COL25A1: variants seen among roughly 807,000 people sequenced by gnomAD.
COL25A1 encodes collagen type XXV alpha 1 chain.
A neutral mutation model predicts 128.4 loss-of-function variants in COL25A1; 103 were observed. The observed-to-expected ratio is 0.80, with a 90% CI of 0.68 to 0.94. The LOEUF is 0.94. COL25A1 is among the 40% of genes least tolerant of loss of function. The probability of loss-of-function intolerance (pLI) is 0.00; values close to 1 mark genes in which losing one functional copy is unlikely to be tolerated. For missense variants in COL25A1, 745 were observed against 840.0 expected, an observed-to-expected ratio of 0.89 and a Z score of 1.40; for synonymous variants, 279 against 277.2, an observed-to-expected ratio of 1.01 and a Z score of -0.06.
At chr4:109,206,289 C>T (rs75849374) in intron 3 of COL25A1, among the ~76,000 whole-genome samples, 3,499 of 152,152 alleles carry the variant, frequency 0.023, 115 homozygotes, top group African/African-American at 0.072. Flanking sequence ...AAAACATAAA[C>T]ATTCTGTGGC....
chr4:109,119,140 T>C (rs1767883034), intron 3 of COL25A1, among the ~76,000 whole-genome samples: 1 of 152,024 alleles, frequency 6.6e-6, no homozygotes, highest in Non-Finnish European at 1.5e-5. Context: ...TCAAGAGAAC[T>C]GTTTAAATAT....
At chr4:109,175,775 T>A (rs1307161202) in intron 3 of COL25A1, among the ~76,000 whole-genome samples, 1 of 152,216 alleles carries the variant, frequency 6.6e-6, no homozygotes, top group Non-Finnish European at 1.5e-5. Context: ...ACAGGTCAAG[T>A]CCTGTCTAAT....
At chr4:109,067,268 A>T (rs1762525354) in intron 3 of COL25A1, among the ~76,000 whole-genome samples, 1 of 152,038 alleles carries the variant, frequency 6.6e-6, no homozygotes, top group African/African-American at 2.4e-5. Context: ...TTAAGAAAAA[A>T]CCCTTTCATC....
At chr4:109,045,443 A>G (rs1414866181) in intron 5 of COL25A1, among the ~76,000 whole-genome samples, 3 of 152,178 alleles carry the variant, frequency 2.0e-5, no homozygotes. Context: ...CTGATGATAA[A>G]CTTATTTAAC....
chr4:109,234,506 C>T (rs1779347789), intron 3 of COL25A1, among the ~76,000 whole-genome samples: 2 of 152,100 alleles, frequency 1.3e-5, no homozygotes, highest in Non-Finnish European at 2.9e-5. Context: ...TAATCCTGCT[C>T]TCTTTCTCTC....
At chr4:109,033,385 C>A (rs889244169) in intron 5 of COL25A1, among the ~76,000 whole-genome samples, 1 of 152,194 alleles carries the variant, frequency 6.6e-6, no homozygotes, top group Admixed American at 6.5e-5. Flanking sequence ...TTCCAGGTAT[C>A]GTGCCCCACA....
At chr4:108,832,970 A>AAGT (rs1733323623) in intron 31 of COL25A1, among the ~76,000 whole-genome samples, 1 of 116,684 alleles carries the variant, frequency 8.6e-6, no homozygotes, top group Admixed American at 8.2e-5. Context: ...CCGTCTCAAA[A>AAGT]AATAATAAAT....
intron 3 of COL25A1, among the ~76,000 whole-genome samples, chr4:109,217,539 A>AATGCAATGTAT (rs1778088579): frequency 7.7e-6 from 1 of 129,482 alleles, no homozygotes; most frequent in African/African-American, 3.9e-5. Context: ...TGAAGCTTTG[A>AATGCAATGTAT]AATGTATAAT....
At chr4:109,067,079 A>G (rs1223968205) in intron 3 of COL25A1, among the ~76,000 whole-genome samples, 1 of 152,200 alleles carries the variant, frequency 6.6e-6, no homozygotes, top group Non-Finnish European at 1.5e-5. Context: ...TCATATAGAC[A>G]CATGTGGCCT....
At chr4:108,839,967 C>T (rs1971902) in intron 31 of COL25A1, among the ~76,000 whole-genome samples, 74,652 of 151,654 alleles carry the variant, frequency 0.49, 20,110 homozygotes, top group South Asian at 0.68. Flanking sequence ...TAGGGCCGGG[C>T]GCAGTGGCTC....
chr4:109,123,148 A>G (rs1768264249), intron 3 of COL25A1, among the ~76,000 whole-genome samples: 1 of 152,076 alleles, frequency 6.6e-6, no homozygotes, highest in Admixed American at 6.6e-5. Context: ...TTTCAAGTGT[A>G]GGGCAGAATA....
At chr4:109,145,032 T>C (rs1265421832) in intron 3 of COL25A1, among the ~76,000 whole-genome samples, 3 of 150,768 alleles carry the variant, frequency 2.0e-5, no homozygotes, top group Non-Finnish European at 4.4e-5. Context: ...ATGTATGAAA[T>C]GAAAGTAAGC....
At chr4:108,885,387 TTGA>T (rs1560804497) in intron 18 of COL25A1, among the ~76,000 whole-genome samples, 1 of 152,206 alleles carries the variant, frequency 6.6e-6, no homozygotes, top group African/African-American at 2.4e-5. Flanking sequence ...AATGGTTTTC[TTGA>T]TGATTTAGGT....
chr4:109,022,052 T>C (rs114519244), intron 5 of COL25A1: 307 of 402,582 alleles, frequency 7.6e-4, no homozygotes, highest in African/African-American at 5.8e-3. Flanking sequence ...ACTCTGCCTT[T>C]TGCCCCTTGA....
chr4:108,999,358 T>C (rs12504228), intron 6 of COL25A1, among the ~76,000 whole-genome samples: 7 of 152,000 alleles, frequency 4.6e-5, no homozygotes, highest in African/African-American at 1.7e-4. Flanking sequence ...AACAGACATA[T>C]GAAAAAATGG....
At chr4:109,238,108 G>T (rs1284756549) in intron 3 of COL25A1, among the ~76,000 whole-genome samples, 1 of 151,942 alleles carries the variant, frequency 6.6e-6, no homozygotes, top group Non-Finnish European at 1.5e-5. Flanking sequence ...TTGCTAATAT[G>T]TTGCTGTGAA....
chr4:109,180,610 T>C (rs1207104818), intron 3 of COL25A1, among the ~76,000 whole-genome samples: 2 of 152,062 alleles, frequency 1.3e-5, no homozygotes, highest in East Asian at 1.9e-4. Flanking sequence ...GATGATTATA[T>C]AAGGGCTTTC....
intron 3 of COL25A1, among the ~76,000 whole-genome samples, chr4:109,242,111 C>CA (rs1779934426): frequency 6.6e-6 from 1 of 151,854 alleles, no homozygotes; most frequent in Non-Finnish European, 1.5e-5. Flanking sequence ...ATTAGTGTCC[C>CA]GAGGCTTTGT....
chr4:108,918,625 CA>C (rs1261540764), intron 12 of COL25A1, among the ~76,000 whole-genome samples: 2 of 152,178 alleles, frequency 1.3e-5, no homozygotes, highest in Admixed American at 6.5e-5. Context: ...ATTAAAATAA[CA>C]ACCATTTGTT....
Sources: allele counts gnomAD v4.1 joint callset (sites outside exome capture counted in the v4.1 genomes callset), GRCh38; gene constraint gnomAD v4.1.1; transcripts MANE v1.5; gene names NCBI Gene and HGNC (gene_info 2026-07-23, HGNC 2026-07-21).